The following SEL1L3 variants were observed in gnomAD, a reference collection of about 807,000 sequenced individuals.
SEL1L3 encodes the protein protein sel-1 homolog 3.
A neutral mutation model predicts 142.8 loss-of-function variants in SEL1L3; 76 were observed. That is an observed-to-expected ratio of 0.53 (90% CI 0.44 to 0.64). The LOEUF is 0.64. Among genes scored for constraint, SEL1L3 ranks in the 30% least tolerant of loss-of-function variants. SEL1L3 has a pLI of 0.00. For synonymous variants in SEL1L3, 504 were observed against 519.6 expected (o/e 0.97, Z 0.41); for missense variants, 1,262 against 1,381.7 (o/e 0.91, Z 1.37).
At chr4:25,770,309 C>A (rs368529948) in intron 17 of SEL1L3, 10 of 152,246 alleles carry the variant, frequency 6.6e-5, no homozygotes, top group African/African-American at 2.4e-4. Context: ...GTTTTATAGA[C>A]TTCTATCGTC....
At chr4:25,775,324 G>C (rs1369329714) in intron 17 of SEL1L3, among the ~76,000 whole-genome samples, 1 of 152,172 alleles carries the variant, frequency 6.6e-6, no homozygotes, top group Non-Finnish European at 1.5e-5. Flanking sequence ...TCTAATTTAA[G>C]ATTCTTACTC....
At chr4:25,815,082 G>A (rs1323209299) in intron 9 of SEL1L3, among the ~76,000 whole-genome samples, 1 of 152,178 alleles carries the variant, frequency 6.6e-6, no homozygotes, top group East Asian at 1.9e-4. Flanking sequence ...CCAGGGAAAG[G>A]CAGGGAGAAG....
intron 15 of SEL1L3, among the ~76,000 whole-genome samples, chr4:25,781,022 A>C (rs1719965260): frequency 6.6e-6 from 1 of 151,386 alleles, no homozygotes; most frequent in Non-Finnish European, 1.5e-5. Flanking sequence ...GAGGGTTTGT[A>C]TTTTTAGAGA....
At chr4:25,830,254 G>A in intron 5 of SEL1L3, 98 bp from the exon 6 acceptor site, 1 of 689,062 alleles carries the variant, frequency 1.5e-6, no homozygotes, top group Admixed American at 2.8e-5. Context: ...GTGTTGGAGA[G>A]TCTTTTACCT....
At chr4:25,859,031 T>C (rs1393208463) in intron 1 of SEL1L3, among the ~76,000 whole-genome samples, 1 of 152,242 alleles carries the variant, frequency 6.6e-6, no homozygotes, top group East Asian at 1.9e-4. Context: ...ATATTATACT[T>C]TGGAGACCAG....
In SEL1L3 at chr4:25,780,957, C is replaced by CT. The variant is rs1469389731; in HGVS notation, c.2457+1284dup. On this transcript the variant is annotated intron_variant, in intron 15 of 23. Coordinates refer to ENST00000399878, the MANE Select transcript of SEL1L3 (RefSeq NM_015187.5). ...TCTCCTGCCTCAGCCTCTCGAGTGC[C>CT]TGAGATTACAAGCATGCACCACCAC... is the stretch of plus-strand genomic sequence containing the variant. Among the ~76,000 whole-genome samples, 5 of 151,564 alleles carry CT rather than the reference C, an allele frequency of 3.3e-5. No individual in the cohort carries two copies. The East Asian group carries it at 9.7e-4, about 29-fold the overall frequency.
At position 25,821,983 on chromosome 4, in the gene SEL1L3, C is replaced by T. The variant is rs1169489444; in HGVS notation, c.1290+13G>A. On this transcript the variant is annotated intron_variant, in intron 7 of 23. Transcript: ENST00000399878. ...CCAGGAGTACCGCAATCTTCCTGAT[C>T]CCCTGGACTCACCTGGGCGGGGTGC... 3 of 1,611,782 alleles carry T rather than the reference C, an allele frequency of 1.9e-6. No homozygotes were observed. The highest frequency in any genetic ancestry group is 1.7e-5 in the Admixed American group (1 of 59,792).
At position 25,862,975 on chromosome 4, in the gene SEL1L3, C is replaced by T; in HGVS notation, c.-139G>A. The stretch of plus-strand genomic sequence containing the variant: ...CCACCTGCCGCCACCTCCGGACCCG[C>T]CGCCGCCGCCACTGCCGCTCCCGCC... On this transcript the variant is annotated 5_prime_UTR_variant, in exon 1 of 24. Transcript: ENST00000399878. 1 of 465,394 alleles carries T rather than the reference C, an allele frequency of 2.1e-6. No homozygotes were observed. Among genetic ancestry groups the T allele is most frequent in the Non-Finnish European group, 2.8e-6 (1 of 357,562 alleles). 28.8% of individuals were successfully genotyped at this position (465,394 alleles called of 1,614,324 possible). A position where few individuals can be genotyped will look rare whatever the true frequency, so the allele number is the denominator to read the frequency against.
Position 25,832,858 on chromosome 4 carries a change from A to T in SEL1L3, c.1098+137T>A, listed in dbSNP as rs886425348. On this transcript the variant is annotated intron_variant, in intron 5 of 23. Coordinates refer to ENST00000399878, the MANE Select transcript of SEL1L3 (RefSeq NM_015187.5). ...TCCATCTATGAAAGTTTGATTTAGC[A>T]AGCGTGTAGTTGTAACGAGTCTATC... The T allele has an allele frequency of 1.8e-5, 11 of 598,468 alleles. No individual in the cohort carries two copies. The African/African-American group carries it at 2.0e-4, about 11-fold the overall frequency. The allele number at this position is 598,468 out of a possible 1,614,324, so 37.1% of individuals were successfully genotyped here. A position where few individuals can be genotyped will look rare whatever the true frequency, so the allele number is the denominator to read the frequency against.
At chr4:25,837,843 A>G (rs1039015504) in intron 2 of SEL1L3, among the ~76,000 whole-genome samples, 20 of 152,158 alleles carry the variant, frequency 1.3e-4, no homozygotes, top group African/African-American at 4.8e-4. Flanking sequence ...GGCTGAGTGC[A>G]ATGCTATAAT....
intron 11 of SEL1L3, among the ~76,000 whole-genome samples, chr4:25,793,078 A>G (rs1712463839): frequency 6.6e-6 from 1 of 152,228 alleles, no homozygotes; most frequent in African/African-American, 2.4e-5. Context: ...TAAGACAGTC[A>G]CCATGAATAT....
At chr4:25,800,410 T>C (rs1250007140) in intron 11 of SEL1L3, among the ~76,000 whole-genome samples, 3 of 152,256 alleles carry the variant, frequency 2.0e-5, no homozygotes, top group African/African-American at 7.2e-5. Context: ...GCAAGACGGA[T>C]CTTTTCTATT....
At chr4:25,727,075 C>CG in the SEL1L3 span, among the ~76,000 whole-genome samples, 1 of 93,286 alleles carries the variant, frequency 1.1e-5, no homozygotes, top group Non-Finnish European at 2.1e-5. Flanking sequence ...TTTTTTGAGA[C>CG]GGAGTCTCGC....
At chr4:25,814,087 T>G (rs1714210510) in intron 9 of SEL1L3, among the ~76,000 whole-genome samples, 2 of 152,176 alleles carry the variant, frequency 1.3e-5, no homozygotes, top group African/African-American at 4.8e-5. Flanking sequence ...GAAGAAAAGC[T>G]GCTGGCAGGG....
At chr4:25,750,234 C>CAAAA (rs10718046) in intron 23 of SEL1L3, among the ~76,000 whole-genome samples, 70 of 104,840 alleles carry the variant, frequency 6.7e-4, no homozygotes, top group African/African-American at 9.8e-4. Flanking sequence ...GACTCCATCT[C>CAAAA]AAAAAAAAAA....
rs189793778 is a variant in SEL1L3 at position 25,790,318 on chromosome 4, C to T, written c.2076+137G>A. On this transcript the variant is annotated intron_variant, in intron 12 of 23. Transcript: ENST00000399878. ...AACTATGGCCTGCCCCTGACAACCCCTATTGGACATGCAGTGTGAGTGAGA... is the reference window on the plus strand; with the variant it reads ...AACTATGGCCTGCCCCTGACAACCCTTATTGGACATGCAGTGTGAGTGAGA... 1.3e-4 allele frequency: 104 copies of T among 825,124 alleles called. No homozygotes were observed. In the African/African-American group the frequency reaches 1.4e-3, roughly 11 times the overall value. 51.1% of individuals were successfully genotyped at this position (825,124 alleles called of 1,614,324 possible). A position where few individuals can be genotyped will look rare whatever the true frequency, so the allele number is the denominator to read the frequency against.
intron 10 of SEL1L3, 65 bp from the exon 11 acceptor site, chr4:25,802,527 G>C: frequency 1.4e-6 from 2 of 1,398,116 alleles, no homozygotes; most frequent in Non-Finnish European, 2.0e-6. Context: ...TCCTAACACT[G>C]AAAGGTTGTC....
chr4:25,776,966 T>C (rs140526384), intron 16 of SEL1L3, among the ~76,000 whole-genome samples: 63 of 150,788 alleles, frequency 4.2e-4, no homozygotes, highest in African/African-American at 1.3e-3. Context: ...ACCAAACATA[T>C]CCATAATTAC....
intron 2 of SEL1L3, 49 bp downstream of exon 2, chr4:25,847,245 G>C (rs369225782): frequency 2.1e-6 from 3 of 1,460,900 alleles, no homozygotes; most frequent in Non-Finnish European, 2.8e-6. Flanking sequence ...CATGATACAG[G>C]CTATCTGAAA....
Sources: gnomAD v4.1 joint callset for allele counts (sites outside exome capture counted in the v4.1 genomes callset) on GRCh38, gnomAD v4.1.1 for gene constraint, MANE v1.5 for transcripts, NCBI Gene and HGNC (gene_info 2026-07-23, HGNC 2026-07-21) for gene names.